The following NCAM1 variants were observed in gnomAD, a reference collection of about 807,000 sequenced individuals.
NCAM1 encodes the protein neural cell adhesion molecule 1, also known as antigen recognized by monoclonal antibody 5.1H11.
In NCAM1, 14 loss-of-function variants were observed where a neutral mutation model predicts 109.8. The ratio of observed to expected loss-of-function variants is 0.13; its 90% confidence interval spans 0.08 to 0.20. The LOEUF is 0.20. Ranked by LOEUF, NCAM1 falls within the 10% of genes least tolerant of loss-of-function variation. The probability of loss-of-function intolerance (pLI) is 1.00; values close to 1 mark genes in which losing one functional copy is unlikely to be tolerated. For synonymous variants in NCAM1, 418 were observed against 442.9 expected, an observed-to-expected ratio of 0.94 and a Z score of 0.70; for missense variants, 774 against 1,109.9, an observed-to-expected ratio of 0.70 and a Z score of 4.30.
intron 18 of NCAM1, 101 bp from the exon 19 acceptor site, chr11:113,271,659 A>T: frequency 1.3e-6 from 1 of 759,206 alleles, no homozygotes; most frequent in Non-Finnish European, 2.1e-6. Context: ...TTGGCTCTGG[A>T]TGCCCACCGT....
chr11:113,112,784 G>A (rs1476042011), intron 1 of NCAM1, among the ~76,000 whole-genome samples: 2 of 152,092 alleles, frequency 1.3e-5, no homozygotes, highest in East Asian at 3.9e-4. Context: ...TTTCATGAAG[G>A]TCTTTCTGCC....
chr11:113,268,676 C>G (rs1555124750), intron 17 of NCAM1, among the ~76,000 whole-genome samples: 1 of 152,176 alleles, frequency 6.6e-6, no homozygotes, highest in Admixed American at 6.5e-5. Context: ...GCCATCAATA[C>G]CACCACCCTC....
chr11:112,971,400 AAG>A (rs1251975670), intron 1 of NCAM1, among the ~76,000 whole-genome samples: 4 of 152,114 alleles, frequency 2.6e-5, no homozygotes, highest in African/African-American at 9.7e-5. Flanking sequence ...GTAGTGGAGT[AAG>A]AGTACGTCAG....
At chr11:113,045,817 C>A (rs1555080691) in intron 1 of NCAM1, among the ~76,000 whole-genome samples, 1 of 151,566 alleles carries the variant, frequency 6.6e-6, no homozygotes, top group Non-Finnish European at 1.5e-5. Context: ...TGGCTCAACT[C>A]AAGGAAATTT....
In NCAM1 at chr11:113,273,802, T is replaced by C. The variant is rs1056612280; in HGVS notation, c.2457-1465T>C. 9 of 376,746 alleles carry C rather than the reference T, an allele frequency of 2.4e-5. No individual in the cohort carries two copies. The highest frequency in any genetic ancestry group is 6.3e-5 in the African/African-American group (3 of 47,510). The allele number at this position is 376,746 out of a possible 1,614,324, so 23.3% of individuals were successfully genotyped here. On this transcript the variant is annotated intron_variant, in intron 19 of 19. Transcript: ENST00000316851. The surrounding 1 kb of genome is among the most constrained non-coding windows in gnomAD (Gnocchi z 6.0). ...GGGTTGTGTCCTGTGGTGGTGTGCA[T>C]TTGTGCTGTGCTGTGTCCTCCTTGT...
intron 14 of NCAM1, among the ~76,000 whole-genome samples, chr11:113,238,710 C>A (rs1945244118): frequency 6.6e-6 from 1 of 152,230 alleles, no homozygotes; most frequent in Admixed American, 6.5e-5. Flanking sequence ...GCCCAAGAAC[C>A]AGTGGCATTG....
chr11:113,004,884 A>T (rs1187595464), intron 1 of NCAM1, among the ~76,000 whole-genome samples: 1 of 148,370 alleles, frequency 6.7e-6, no homozygotes, highest in Admixed American at 6.7e-5. Flanking sequence ...TGTCCTTCAG[A>T]TTTGGGGCCT....
chr11:113,097,302 C>G (rs2135821289), intron 1 of NCAM1, among the ~76,000 whole-genome samples: 1 of 152,322 alleles, frequency 6.6e-6, no homozygotes, highest in South Asian at 2.1e-4. Context: ...TATTGAGCAT[C>G]TTCTGTATGC....
chr11:113,179,359 T>G (rs1943263165), intron 1 of NCAM1, among the ~76,000 whole-genome samples: 1 of 152,232 alleles, frequency 6.6e-6, no homozygotes, highest in Non-Finnish European at 1.5e-5. Flanking sequence ...ACATTTCCAT[T>G]TTCAGGGTTT....
chr11:113,092,604 T>C (rs782611555), intron 1 of NCAM1, among the ~76,000 whole-genome samples: 2 of 152,154 alleles, frequency 1.3e-5, no homozygotes, highest in African/African-American at 2.4e-5. Flanking sequence ...TGAAAGTCTA[T>C]TATTGGTCTT....
intron 1 of NCAM1, among the ~76,000 whole-genome samples, chr11:113,041,584 T>C (rs1370816629): frequency 1.3e-5 from 2 of 152,218 alleles, no homozygotes; most frequent in Non-Finnish European, 2.9e-5. Flanking sequence ...GAACCAATGG[T>C]AGACCCGCTC....
intron 1 of NCAM1, among the ~76,000 whole-genome samples, chr11:113,079,204 T>A (rs751787598): frequency 2.6e-4 from 40 of 152,228 alleles, no homozygotes; most frequent in Non-Finnish European, 5.1e-4. Context: ...ATAGTGTTGA[T>A]GTGTTAAGCA....
intron 1 of NCAM1, among the ~76,000 whole-genome samples, chr11:113,198,745 G>A (rs1326790331): frequency 6.6e-6 from 1 of 152,194 alleles, no homozygotes; most frequent in African/African-American, 2.4e-5. Flanking sequence ...GAGATGGACA[G>A]AAGGTTATAG....
intron 1 of NCAM1, among the ~76,000 whole-genome samples, chr11:113,158,235 G>T (rs1000962821): frequency 6.6e-6 from 1 of 152,142 alleles, no homozygotes; most frequent in Non-Finnish European, 1.5e-5. Context: ...GAATTTTATT[G>T]TTAGCCACAA....
intron 1 of NCAM1, among the ~76,000 whole-genome samples, chr11:113,144,479 G>T (rs1941941379): frequency 6.6e-6 from 1 of 152,068 alleles, no homozygotes; most frequent in Admixed American, 6.6e-5. Flanking sequence ...TAGAATAAGA[G>T]AAATTTTATT....
intron 1 of NCAM1, among the ~76,000 whole-genome samples, chr11:112,973,096 T>G (rs183168649): frequency 6.6e-6 from 1 of 152,308 alleles, no homozygotes; most frequent in Non-Finnish European, 1.5e-5. Flanking sequence ...CTTACCTCAT[T>G]GCCTGTGGTG....
At chr11:113,255,844 G>A (rs782472487) in intron 15 of NCAM1, 33 bp from the exon 16 acceptor site, 3 of 1,609,444 alleles carry the variant, frequency 1.9e-6, no homozygotes, top group Non-Finnish European at 2.5e-6. Flanking sequence ...TTCTGTGGAT[G>A]AGAATTTCAT....
chr11:113,115,283 C>A (rs933208925), intron 1 of NCAM1, among the ~76,000 whole-genome samples: 8 of 152,124 alleles, frequency 5.3e-5, no homozygotes, highest in African/African-American at 1.9e-4. Flanking sequence ...GTCAAGGAAG[C>A]TTTATTATGA....
At chr11:113,150,609 C>A (rs745742555) in intron 1 of NCAM1, among the ~76,000 whole-genome samples, 3 of 152,134 alleles carry the variant, frequency 2.0e-5, no homozygotes, top group Non-Finnish European at 4.4e-5. Context: ...ATTTGTAACT[C>A]ATTTGGGGAG....
Sources: allele counts gnomAD v4.1 joint callset (sites outside exome capture counted in the v4.1 genomes callset), GRCh38; gene constraint gnomAD v4.1.1; non-coding constraint Gnocchi (gnomAD v3.1); transcripts MANE v1.5; gene names NCBI Gene and HGNC (gene_info 2026-07-23, HGNC 2026-07-21).